Variants in SGPL1 observed in about 807,000 individuals in gnomAD.
SGPL1 encodes SP-lyase 1.
SGPL1 carries 37 observed loss-of-function variants against 68.9 expected under a neutral mutation model. The observed-to-expected ratio is 0.54, with a 90% CI of 0.41 to 0.71. The LOEUF (loss-of-function observed/expected upper bound fraction) is 0.71, where lower values mean the gene tolerates loss of function less well. Among genes scored for constraint, SGPL1 ranks in the 30% least tolerant of loss-of-function variants. The pLI, the probability that SGPL1 is intolerant of heterozygous loss-of-function variation, is 0.00. For missense variants in SGPL1, 551 were observed against 704.6 expected (o/e 0.78, Z 2.47); for synonymous variants, 236 against 248.5 (o/e 0.95, Z 0.47).
At chr10:70,844,941 T>C (rs1347524166) in intron 3 of SGPL1, among the ~76,000 whole-genome samples, 1 of 150,374 alleles carries the variant, frequency 6.7e-6, no homozygotes, top group East Asian at 1.9e-4. Context: ...GGTTTCACCA[T>C]GTTGGTCAGG....
At chr10:70,833,933 T>G (rs76123877) in intron 2 of SGPL1, among the ~76,000 whole-genome samples, 1 of 152,306 alleles carries the variant, frequency 6.6e-6, no homozygotes, top group Non-Finnish European at 1.5e-5. Context: ...TGATTTTTAT[T>G]AGTATCTGGC....
At chr10:70,862,531 T>G (rs1332853161) in intron 7 of SGPL1, among the ~76,000 whole-genome samples, 1 of 152,116 alleles carries the variant, frequency 6.6e-6, no homozygotes, top group African/African-American at 2.4e-5. Context: ...GTGGAAGCTT[T>G]GTTCTTTCGC....
chr10:70,873,734 T>G (rs1215952039), intron 12 of SGPL1, 145 bp downstream of exon 12: 1 of 687,578 alleles, frequency 1.5e-6, no homozygotes, highest in African/African-American at 1.8e-5. Context: ...AGCTTAGGGC[T>G]TAGGCCAGAC....
rs1846464160 is a variant in SGPL1 at position 70,879,550 on chromosome 10, TCCAGGAAC to T, written c.*2220_*2227del. ...GGTCAGTGCATTATGTTGAATGAGG[TCCAGGAAC>T]CCAGAGCCACCCAGCAGACACCACT... is the stretch of plus-strand genomic sequence containing the variant. On this transcript the variant is annotated 3_prime_UTR_variant, in exon 15 of 15. Transcript: ENST00000373202. 1 of 152,384 alleles carries T rather than the reference TCCAGGAAC, an allele frequency of 6.6e-6. No individual in the cohort carries two copies. The highest frequency in any genetic ancestry group is 1.5e-5 in the Non-Finnish European group (1 of 68,282). The allele number at this position is 152,384 out of a possible 1,614,324, so 9.4% of individuals were successfully genotyped here.
chr10:70,863,484 A>C (rs10762408), intron 7 of SGPL1, among the ~76,000 whole-genome samples: 52,831 of 151,250 alleles, frequency 0.35, 9,538 homozygotes, highest in South Asian at 0.5. Flanking sequence ...TTGTGATTTT[A>C]TTTTATTTAT....
At chr10:70,871,195 ACAAAG>A (rs1846289543) in intron 10 of SGPL1, 49 bp downstream of exon 10, 1 of 1,306,548 alleles carries the variant, frequency 7.7e-7, no homozygotes, top group Non-Finnish European at 1.1e-6. Flanking sequence ...ATATTTTAAA[ACAAAG>A]CCTAATGGGG....
intron 8 of SGPL1, 73 bp downstream of exon 8, chr10:70,868,506 G>A: frequency 8.1e-7 from 1 of 1,233,384 alleles, no homozygotes; most frequent in Non-Finnish European, 1.2e-6. Context: ...AACTAAAGCA[G>A]ATAATCCATT....
intron 3 of SGPL1, among the ~76,000 whole-genome samples, chr10:70,848,810 C>T (rs1423015067): frequency 1.3e-5 from 2 of 152,134 alleles, no homozygotes; most frequent in Non-Finnish European, 1.5e-5. Context: ...ACTTTCTTAG[C>T]AATCTTGACG....
At chr10:70,854,644 A>G in intron 4 of SGPL1, 64 bp from the exon 5 acceptor site, 1 of 1,446,256 alleles carries the variant, frequency 6.9e-7, no homozygotes, top group Non-Finnish European at 9.4e-7. Flanking sequence ...TGACTGTCAT[A>G]ATAATTCTGC....
At chr10:70,817,309 G>T (rs986875244) in intron 2 of SGPL1, among the ~76,000 whole-genome samples, 1 of 152,192 alleles carries the variant, frequency 6.6e-6, no homozygotes, top group Non-Finnish European at 1.5e-5. Context: ...GTGAGCCACC[G>T]CGCCTGGCCA....
chr10:70,861,034 CTTTTT>C (rs75728471), intron 7 of SGPL1, among the ~76,000 whole-genome samples: 1 of 136,778 alleles, frequency 7.3e-6, no homozygotes. Context: ...TCTTTCTTTC[CTTTTT>C]TTTTTTTTTT....
In SGPL1 at chr10:70,878,696, G is replaced by A. The variant is rs1846443401; in HGVS notation, c.*1361G>A. 1 of 152,196 alleles carries A rather than the reference G, an allele frequency of 6.6e-6. No homozygotes were observed. Among genetic ancestry groups the A allele is most frequent in the African/African-American group, 2.4e-5 (1 of 41,440 alleles). 9.4% of individuals were successfully genotyped at this position (152,196 alleles called of 1,614,324 possible). On this transcript the variant is annotated 3_prime_UTR_variant, in exon 15 of 15. Transcript: ENST00000373202. ...AAGTTGCCTTGACTTACCCTAGGTG[G>A]GTGTGAAAGAGCACCCGTAGCAAGG...
chr10:70,842,920 C>T (rs1453836705), intron 2 of SGPL1, among the ~76,000 whole-genome samples: 1 of 151,522 alleles, frequency 6.6e-6, no homozygotes, highest in Non-Finnish European at 1.5e-5. Flanking sequence ...GCCGGGCACT[C>T]TGCCACATGT....
intron 3 of SGPL1, among the ~76,000 whole-genome samples, chr10:70,850,233 T>C (rs1205381535): frequency 6.6e-6 from 1 of 152,208 alleles, no homozygotes; most frequent in African/African-American, 2.4e-5. Context: ...CAGGCTGGTC[T>C]CACCCTCCTG....
rs1007454186 is a variant in SGPL1 at position 70,854,870 on chromosome 10, A to G, written c.409+15A>G. On this transcript the variant is annotated intron_variant, in intron 5 of 14. Coordinates refer to ENST00000373202, the MANE Select transcript of SGPL1 (RefSeq NM_003901.4). ...CAGCTCTATGGGTATGATGCTTGGC[A>G]TATACATGCTCTCTACTTCCTTAAA... 1 of 1,582,446 alleles carries G rather than the reference A, an allele frequency of 6.3e-7. No individual in the cohort carries two copies. Among genetic ancestry groups the G allele is most frequent in the East Asian group, 2.3e-5 (1 of 44,384 alleles).
intron 2 of SGPL1, among the ~76,000 whole-genome samples, chr10:70,821,502 T>G (rs1334026780): frequency 2.0e-5 from 3 of 152,118 alleles, no homozygotes; most frequent in African/African-American, 7.2e-5. Flanking sequence ...GAGTGATAAT[T>G]GCTTATCTAG....
intron 2 of SGPL1, among the ~76,000 whole-genome samples, chr10:70,843,683 T>C (rs1335469302): frequency 6.6e-6 from 1 of 152,214 alleles, no homozygotes; most frequent in African/African-American, 2.4e-5. Context: ...TACCAGGTGT[T>C]GTGAGGAATA....
chr10:70,862,929 C>A (rs827254), intron 7 of SGPL1, among the ~76,000 whole-genome samples: 150,289 of 152,318 alleles, frequency 0.99, 74,178 homozygotes, highest in Middle Eastern at 1. Flanking sequence ...TTGGGCTTTT[C>A]AATTTTATTT....
intron 14 of SGPL1, 114 bp downstream of exon 14, chr10:70,876,775 A>G (rs541637724): frequency 1.0e-6 from 1 of 957,684 alleles, no homozygotes; most frequent in Non-Finnish European, 1.6e-6. Context: ...TGCCACAGAC[A>G]TCTTTTATTT....
Sources: allele counts gnomAD v4.1 joint callset (sites outside exome capture counted in the v4.1 genomes callset), GRCh38; gene constraint gnomAD v4.1.1; transcripts MANE v1.5; gene names NCBI Gene and HGNC (gene_info 2026-07-23, HGNC 2026-07-21).